Variants in CRISPLD2 observed in about 807,000 individuals in gnomAD.
CRISPLD2 encodes cysteine-rich secretory protein LCCL domain-containing 2.
Under a neutral mutation model 71.1 loss-of-function variants are expected in CRISPLD2, and 47 were observed. The observed-to-expected ratio is 0.66, with a 90% CI of 0.52 to 0.84. CRISPLD2 has a LOEUF of 0.84. Ranked by LOEUF, CRISPLD2 falls within the 40% of genes least tolerant of loss-of-function variation. CRISPLD2 has a pLI of 0.00. For synonymous variants in CRISPLD2, 317 were observed against 250.1 expected (o/e 1.27, Z -2.52); for missense variants, 830 against 651.1 (o/e 1.27, Z -2.99).
chr16:84,902,434 C>G (rs1354035875), intron 14 of CRISPLD2, among the ~76,000 whole-genome samples: 7 of 151,340 alleles, frequency 4.6e-5, no homozygotes, highest in African/African-American at 1.5e-4. Context: ...AAGGTGAAAC[C>G]CCGTCTCTAC....
chr16:84,837,073 C>A (rs183154079), intron 1 of CRISPLD2, among the ~76,000 whole-genome samples: 1 of 152,216 alleles, frequency 6.6e-6, no homozygotes, highest in Admixed American at 6.5e-5. Context: ...ATCTCGGAGT[C>A]CAGCACAAAA....
chr16:84,876,021 A>G (rs952905080), intron 11 of CRISPLD2, among the ~76,000 whole-genome samples: 1 of 152,238 alleles, frequency 6.6e-6, no homozygotes, highest in Non-Finnish European at 1.5e-5. Context: ...AGGGTTCAGC[A>G]AACGATGACT....
chr16:84,869,442 C>T (rs976243050), intron 8 of CRISPLD2, among the ~76,000 whole-genome samples: 1 of 152,212 alleles, frequency 6.6e-6, no homozygotes, highest in Non-Finnish European at 1.5e-5. Flanking sequence ...ATTTAAAGCA[C>T]ATGTTAAAAA....
At chr16:84,884,451 G>C (rs1016268759) in intron 13 of CRISPLD2, among the ~76,000 whole-genome samples, 6 of 152,200 alleles carry the variant, frequency 3.9e-5, no homozygotes, top group Non-Finnish European at 8.8e-5. Flanking sequence ...GCGGGGCTCT[G>C]GGGTTCACAC....
chr16:84,901,468 CTTTT>C (rs564314509), intron 14 of CRISPLD2, among the ~76,000 whole-genome samples: 12 of 119,064 alleles, frequency 1.0e-4, no homozygotes, highest in African/African-American at 1.3e-4. Flanking sequence ...CCTGGCTGCA[CTTTT>C]TTTTTTTTTT....
intron 14 of CRISPLD2, among the ~76,000 whole-genome samples, chr16:84,899,450 A>G (rs533295979): frequency 1.8e-4 from 27 of 152,214 alleles, no homozygotes; most frequent in Non-Finnish European, 4.0e-4. Flanking sequence ...TACAACTACC[A>G]ACTTCCCCAG....
intron 6 of CRISPLD2, among the ~76,000 whole-genome samples, chr16:84,858,009 T>G (rs1450154788): frequency 6.6e-6 from 1 of 152,120 alleles, no homozygotes; most frequent in Non-Finnish European, 1.5e-5. Context: ...TAGTCAAACG[T>G]TCAGTTTCCA....
At chr16:84,861,913 C>T (rs968008433) in intron 6 of CRISPLD2, among the ~76,000 whole-genome samples, 2 of 152,090 alleles carry the variant, frequency 1.3e-5, no homozygotes, top group Admixed American at 1.3e-4. Flanking sequence ...CTGGGCAACA[C>T]AGCGAGACCC....
intron 6 of CRISPLD2, among the ~76,000 whole-genome samples, chr16:84,855,261 G>T (rs1294192608): frequency 1.3e-5 from 2 of 152,088 alleles, no homozygotes; most frequent in Non-Finnish European, 2.9e-5. Context: ...TCTCTAGAGG[G>T]ACAGAACTAA....
intron 14 of CRISPLD2, among the ~76,000 whole-genome samples, chr16:84,890,637 C>G (rs1597482151): frequency 6.6e-6 from 1 of 151,838 alleles, no homozygotes; most frequent in Non-Finnish European, 1.5e-5. Flanking sequence ...TGTGATGACG[C>G]AAGCCTGTAA....
chr16:84,828,886 T>A (rs746670330), intron 1 of CRISPLD2: 1 of 152,100 alleles, frequency 6.6e-6, no homozygotes, highest in Non-Finnish European at 1.5e-5. Context: ...CATCCAGACA[T>A]ATTGACTCAG....
chr16:84,826,278 C>T (rs1181680483), intron 1 of CRISPLD2, among the ~76,000 whole-genome samples: 1 of 152,238 alleles, frequency 6.6e-6, no homozygotes, highest in Non-Finnish European at 1.5e-5. Context: ...AGGAAGGCCC[C>T]TTAAGAACAA....
chr16:84,848,915 G>A (rs560414850), intron 3 of CRISPLD2, among the ~76,000 whole-genome samples: 92 of 151,586 alleles, frequency 6.1e-4, no homozygotes, highest in South Asian at 2.9e-3. Flanking sequence ...GAACCCGGGA[G>A]GCGGAGCTTG....
chr16:84,850,479 G>C (rs867736433), intron 4 of CRISPLD2, 89 bp from the exon 5 acceptor site: 100 of 1,005,338 alleles, frequency 9.9e-5, no homozygotes, highest in Middle Eastern at 8.3e-4. Context: ...TACCTCTTTA[G>C]TGCCAGCACC....
At chr16:84,885,490 G>A (rs2071604579) in intron 13 of CRISPLD2, among the ~76,000 whole-genome samples, 1 of 152,234 alleles carries the variant, frequency 6.6e-6, no homozygotes, top group Non-Finnish European at 1.5e-5. Flanking sequence ...GGGGATTCCT[G>A]TGTCCTGTGC....
chr16:84,895,495 T>G (rs562563112), intron 14 of CRISPLD2, among the ~76,000 whole-genome samples: 61 of 152,330 alleles, frequency 4.0e-4, no homozygotes, highest in South Asian at 1.0e-3. Flanking sequence ...CTCAGTTAAC[T>G]GCTGATTTAT....
intron 11 of CRISPLD2, among the ~76,000 whole-genome samples, chr16:84,876,804 G>A (rs1220858922): frequency 1.3e-5 from 2 of 152,250 alleles, no homozygotes; most frequent in African/African-American, 2.4e-5. Context: ...AAGAAAAAAA[G>A]AAAAAGAAAA....
At position 84,849,397 on chromosome 16, in the gene CRISPLD2, G is replaced by A. The variant is rs140214661; in HGVS notation, c.372G>A (p.Pro124=). 26 of 1,613,578 alleles carry A rather than the reference G, an allele frequency of 1.6e-5. No individual in the cohort carries two copies. The highest frequency in any genetic ancestry group is 1.6e-4 in the East Asian group (7 of 44,874). Residue 124 remains proline (P), a synonymous_variant, in exon 4 of 15, where the codon CCG becomes CCA. Transcript: ENST00000262424. Reference sequence around the variant, plus strand: ...TTCTGCCCTGCAGGTATCGCTCTCCGGGGTTCCATGTGCAGTCCTGGTATG... The same window carrying A: ...TTCTGCCCTGCAGGTATCGCTCTCCAGGGTTCCATGTGCAGTCCTGGTATG... The part of the protein sequence containing the change: ...LGAHWGRYRS[P]GFHVQSWYDE...
intron 1 of CRISPLD2, among the ~76,000 whole-genome samples, chr16:84,825,942 G>A (rs1393632252): frequency 6.6e-6 from 1 of 151,912 alleles, no homozygotes. Flanking sequence ...GAACAACAGA[G>A]TGAGACCCTG....
Sources: allele counts gnomAD v4.1 joint callset (sites outside exome capture counted in the v4.1 genomes callset), GRCh38; gene constraint gnomAD v4.1.1; transcripts MANE v1.5; gene names NCBI Gene and HGNC (gene_info 2026-07-23, HGNC 2026-07-21).